LRRC37A2: variants seen among roughly 807,000 people sequenced by gnomAD.
LRRC37A2 encodes the protein leucine rich repeat containing 37 member A2, also known as leucine-rich repeat-containing protein 37A2.
Under a neutral mutation model 68.8 loss-of-function variants are expected in LRRC37A2, and 9 were observed. The observed-to-expected ratio is 0.13, with a 90% CI of 0.08 to 0.23. The LOEUF is 0.23. Ranked by LOEUF, LRRC37A2 falls within the 10% of genes least tolerant of loss-of-function variation. The probability of loss-of-function intolerance (pLI) is 1.00; values close to 1 mark genes in which losing one functional copy is unlikely to be tolerated. For missense variants in LRRC37A2, 168 were observed against 950.4 expected (o/e 0.18, Z 10.82); for synonymous variants, 63 against 367.6 (o/e 0.17, Z 9.48).
At chr17:47,018,729 C>T in the LRRC37A2 span, 1 of 1,520,704 alleles carries the variant, frequency 6.6e-7, no homozygotes, top group Non-Finnish European at 9.1e-7. Context: ...TGAATCTTCC[C>T]TAACCCATCA....
At chr17:46,850,423 C>T in the LRRC37A2 span, among the ~76,000 whole-genome samples, 1 of 152,180 alleles carries the variant, frequency 6.6e-6, no homozygotes, top group Non-Finnish European at 1.5e-5. Context: ...CCACCTAACA[C>T]GGTAGCCACC....
the LRRC37A2 span, among the ~76,000 whole-genome samples, chr17:46,897,318 G>C: frequency 2.0e-5 from 3 of 152,116 alleles, no homozygotes; most frequent in Admixed American, 2.0e-4. Flanking sequence ...CAAAGTCTAG[G>C]GCCACTGTCT....
chr17:46,978,918 G>T, the LRRC37A2 span: 1 of 1,464,790 alleles, frequency 6.8e-7, no homozygotes, highest in East Asian at 2.9e-5. Context: ...TGCCCAGCCC[G>T]TGGGTGCGGT....
At chr17:46,945,502 C>T in the LRRC37A2 span, among the ~76,000 whole-genome samples, 1 of 152,186 alleles carries the variant, frequency 6.6e-6, no homozygotes, top group African/African-American at 2.4e-5. Flanking sequence ...GCAGCCTAAC[C>T]TTGGGCTTAA....
the LRRC37A2 span, among the ~76,000 whole-genome samples, chr17:46,795,086 T>C: frequency 6.6e-6 from 1 of 152,036 alleles, no homozygotes; most frequent in Non-Finnish European, 1.5e-5. Context: ...TGGTGGGAAT[T>C]CTTACCTGCT....
At chr17:46,519,778 GT>G (rs2052047901) in intron 3 of LRRC37A2, among the ~76,000 whole-genome samples, 1 of 149,924 alleles carries the variant, frequency 6.7e-6, no homozygotes, top group African/African-American at 2.5e-5. Context: ...TAGTTCTCCA[GT>G]TTTTTTGATG....
the LRRC37A2 span, among the ~76,000 whole-genome samples, chr17:46,727,691 T>G: frequency 6.6e-6 from 1 of 152,180 alleles, no homozygotes; most frequent in African/African-American, 2.4e-5. Flanking sequence ...ATGGGATGAT[T>G]TCTTTAAAAG....
chr17:46,932,336 A>G, the LRRC37A2 span: 1 of 971,840 alleles, frequency 1.0e-6, no homozygotes. Context: ...AATGACAGGA[A>G]CTTTGTGCAT....
the LRRC37A2 span, among the ~76,000 whole-genome samples, chr17:46,868,806 G>C: frequency 6.6e-6 from 1 of 152,128 alleles, no homozygotes; most frequent in Non-Finnish European, 1.5e-5. Flanking sequence ...TCTTCCAGGG[G>C]ATGACGTTGT....
At chr17:47,021,708 G>C in the LRRC37A2 span, 2 of 740,506 alleles carry the variant, frequency 2.7e-6, no homozygotes, top group Middle Eastern at 3.8e-4. Context: ...GTGCAAACTG[G>C]GAAGCTGATA....
chr17:46,833,880 T>C, the LRRC37A2 span, among the ~76,000 whole-genome samples: 1 of 152,128 alleles, frequency 6.6e-6, no homozygotes, highest in African/African-American at 2.4e-5. Flanking sequence ...TTCTGGAGTC[T>C]TTCCTGTCCC....
the LRRC37A2 span, among the ~76,000 whole-genome samples, chr17:46,922,227 G>C: frequency 6.6e-6 from 1 of 151,998 alleles, no homozygotes; most frequent in Non-Finnish European, 1.5e-5. Flanking sequence ...GCAAACTATC[G>C]CAAGGACAAA....
At chr17:46,931,193 G>A in the LRRC37A2 span, 6 of 1,545,834 alleles carry the variant, frequency 3.9e-6, no homozygotes, top group Admixed American at 1.7e-5. Context: ...CTAACAAAAG[G>A]CAAAATGCCA....
the LRRC37A2 span, among the ~76,000 whole-genome samples, chr17:46,716,834 G>A: frequency 6.6e-6 from 1 of 152,040 alleles, no homozygotes; most frequent in African/African-American, 2.4e-5. Flanking sequence ...TTATATATTG[G>A]GGATTACATT....
chr17:46,529,449 CTTAGT>C (rs2053325451), intron 6 of LRRC37A2, among the ~76,000 whole-genome samples: 1 of 107,194 alleles, frequency 9.3e-6, no homozygotes, highest in South Asian at 3.0e-4. Context: ...GTCAGTGCAC[CTTAGT>C]TTAATGTATA....
At chr17:47,028,316 T>C in the LRRC37A2 span, 1 of 1,514,644 alleles carries the variant, frequency 6.6e-7, no homozygotes, top group Non-Finnish European at 9.2e-7. Flanking sequence ...AACTCAGCTT[T>C]GGAACATTTC....
chr17:46,502,068 T>C, the LRRC37A2 span, among the ~76,000 whole-genome samples: 23 of 151,484 alleles, frequency 1.5e-4, no homozygotes, highest in Non-Finnish European at 3.2e-4. Context: ...AAACAGTTAC[T>C]TGGCATCATT....
At chr17:46,739,140 T>C in the LRRC37A2 span, among the ~76,000 whole-genome samples, 1 of 148,462 alleles carries the variant, frequency 6.7e-6, no homozygotes, top group African/African-American at 2.5e-5. Flanking sequence ...GAGGCCAAGG[T>C]AGGTGGATCA....
the LRRC37A2 span, among the ~76,000 whole-genome samples, chr17:46,839,839 C>A: frequency 5.5e-3 from 835 of 152,270 alleles, 12 homozygotes; most frequent in African/African-American, 0.018. Context: ...ATCCGTGTCC[C>A]TGCAAAGGAC....
Sources: gnomAD v4.1 joint callset for allele counts (sites outside exome capture counted in the v4.1 genomes callset) on GRCh38, gnomAD v4.1.1 for gene constraint, MANE v1.5 for transcripts, NCBI Gene and HGNC (gene_info 2026-07-23, HGNC 2026-07-21) for gene names.